The following KDM4C variants were observed in gnomAD, a reference collection of about 807,000 sequenced individuals.
The protein encoded by KDM4C is lysine-specific demethylase 4C.
In KDM4C, 81 loss-of-function variants were observed where a neutral mutation model predicts 129.3. That is an observed-to-expected ratio of 0.63 (90% confidence interval 0.52 to 0.75). The LOEUF is 0.75. Among genes scored for constraint, KDM4C ranks in the 30% least tolerant of loss-of-function variants. KDM4C has a pLI of 0.00. For synonymous variants in KDM4C, 573 were observed against 456.1 expected (o/e 1.26, Z -3.26); for missense variants, 1,457 against 1,304.0 (o/e 1.12, Z -1.81).
chr9:7,070,984 AG>A (rs902463550), intron 17 of KDM4C, among the ~76,000 whole-genome samples: 41 of 152,186 alleles, frequency 2.7e-4, no homozygotes, highest in African/African-American at 9.9e-4. Context: ...TCAAGTTTTC[AG>A]GGGTACAAGG....
At chr9:6,957,400 G>A (rs929657402) in intron 8 of KDM4C, among the ~76,000 whole-genome samples, 15 of 152,070 alleles carry the variant, frequency 9.9e-5, no homozygotes, top group African/African-American at 2.7e-4. Flanking sequence ...TTTGGCATTC[G>A]CTTTCCATTG....
intron 8 of KDM4C, among the ~76,000 whole-genome samples, chr9:6,938,549 G>A (rs1489663835): frequency 6.6e-6 from 1 of 152,166 alleles, no homozygotes. Flanking sequence ...AAGCTCAGCT[G>A]GCTTTTTAGT....
At chr9:7,164,210 T>C (rs1253910379) in intron 19 of KDM4C, among the ~76,000 whole-genome samples, 1 of 152,206 alleles carries the variant, frequency 6.6e-6, no homozygotes, top group Non-Finnish European at 1.5e-5. Flanking sequence ...AAATAAAAAT[T>C]ACCATAGTCA....
chr9:6,805,910 TTC>T (rs769561569), intron 3 of KDM4C, 136 bp downstream of exon 3: 4 of 688,116 alleles, frequency 5.8e-6, no homozygotes, highest in Non-Finnish European at 9.2e-6. Flanking sequence ...ATTGAACTGT[TTC>T]TGTTTTCTGT....
At chr9:6,736,541 T>C (rs1159529405) in intron 1 of KDM4C, among the ~76,000 whole-genome samples, 1 of 151,910 alleles carries the variant, frequency 6.6e-6, no homozygotes, top group Non-Finnish European at 1.5e-5. Context: ...CTTCAGAGGG[T>C]GGAAGCTCTA....
At chr9:7,004,806 T>A (rs1821353415) in intron 12 of KDM4C, among the ~76,000 whole-genome samples, 1 of 152,238 alleles carries the variant, frequency 6.6e-6, no homozygotes, top group African/African-American at 2.4e-5. Context: ...TGTGTTGTCA[T>A]CTTAAACACA....
At chr9:7,017,765 T>TTAC (rs1169176281) in intron 15 of KDM4C, among the ~76,000 whole-genome samples, 1 of 152,150 alleles carries the variant, frequency 6.6e-6, no homozygotes, top group Middle Eastern at 3.2e-3. Context: ...TGACAGAGAA[T>TTAC]TACACTTCCT....
intron 3 of KDM4C, among the ~76,000 whole-genome samples, chr9:6,809,193 AT>A (rs1223862103): frequency 6.6e-6 from 1 of 152,154 alleles, no homozygotes; most frequent in African/African-American, 2.4e-5. Context: ...TTTCTTTTGA[AT>A]TTTTTGGGTT....
intron 15 of KDM4C, among the ~76,000 whole-genome samples, chr9:7,019,767 A>AATATTTTATATATAAAAATATT (rs1824423298): frequency 8.1e-6 from 1 of 122,850 alleles, no homozygotes; most frequent in Admixed American, 7.9e-5. Context: ...ATAAAAATAT[A>AATATTTTATATATAAAAATATT]ATATTTTTAT....
rs1315540020 is a variant in KDM4C at position 6,826,448 on chromosome 9, C to T, written c.435+11703C>T. ...TCCTTCCATTTTTTCTCTATGAATG[C>T]TCCATAATTGCATATAAAAAAAATT... is the stretch of plus-strand genomic sequence containing the variant. On this transcript the variant is annotated intron_variant, in intron 4 of 21. Transcript: ENST00000381309. Among the ~76,000 whole-genome samples, 4 of 152,074 alleles carry T rather than the reference C, an allele frequency of 2.6e-5. No individual in the cohort carries two copies. In the East Asian group the frequency reaches 7.7e-4, roughly 29 times the overall value.
intron 8 of KDM4C, among the ~76,000 whole-genome samples, chr9:6,945,249 A>T (rs372013843): frequency 6.6e-6 from 1 of 152,186 alleles, no homozygotes; most frequent in Non-Finnish European, 1.5e-5. Context: ...TAGGTAAACA[A>T]TAATATAACA....
intron 19 of KDM4C, among the ~76,000 whole-genome samples, chr9:7,150,232 G>C (rs1022135287): frequency 1.3e-5 from 2 of 152,188 alleles, no homozygotes; most frequent in Non-Finnish European, 2.9e-5. Context: ...CTTTCTTTAA[G>C]GCCTGTATTA....
At chr9:7,117,255 G>T (rs892883601) in intron 18 of KDM4C, among the ~76,000 whole-genome samples, 1 of 152,066 alleles carries the variant, frequency 6.6e-6, no homozygotes. Flanking sequence ...CTTCTTGGTG[G>T]TACAGAAAAT....
chr9:6,943,694 G>T (rs1159227811), intron 8 of KDM4C, among the ~76,000 whole-genome samples: 1 of 151,862 alleles, frequency 6.6e-6, no homozygotes, highest in South Asian at 2.1e-4. Flanking sequence ...AAAAAAGGTT[G>T]CACAAATAAT....
intron 5 of KDM4C, among the ~76,000 whole-genome samples, chr9:6,864,402 T>C (rs948007864): frequency 2.0e-5 from 3 of 152,238 alleles, no homozygotes; most frequent in African/African-American, 7.2e-5. Context: ...TATATGTCAT[T>C]GCTTCTTTTC....
intron 15 of KDM4C, among the ~76,000 whole-genome samples, chr9:7,038,970 T>C (rs1444605430): frequency 6.6e-6 from 1 of 152,038 alleles, no homozygotes; most frequent in Non-Finnish European, 1.5e-5. Context: ...ATTTTTGATA[T>C]ATGTATTGGG....
At chr9:6,879,981 CT>C in intron 5 of KDM4C, 30 bp from the exon 6 acceptor site, 1 of 1,333,438 alleles carries the variant, frequency 7.5e-7, no homozygotes, top group Non-Finnish European at 1.0e-6. Flanking sequence ...AATTATAAAC[CT>C]AAAATTTTTA....
chr9:7,105,080 G>A (rs1837527148), intron 18 of KDM4C, among the ~76,000 whole-genome samples: 1 of 152,126 alleles, frequency 6.6e-6, no homozygotes, highest in African/African-American at 2.4e-5. Flanking sequence ...TTGAGTTGAT[G>A]TCCTTTTGCT....
chr9:7,042,544 G>C (rs1828767583), intron 15 of KDM4C, among the ~76,000 whole-genome samples: 1 of 151,990 alleles, frequency 6.6e-6, no homozygotes, highest in Non-Finnish European at 1.5e-5. Context: ...GGGTTCTTTT[G>C]CAGGGATTGT....
Sources: gnomAD v4.1 joint callset for allele counts (sites outside exome capture counted in the v4.1 genomes callset) on GRCh38, gnomAD v4.1.1 for gene constraint, MANE v1.5 for transcripts, NCBI Gene and HGNC (gene_info 2026-07-23, HGNC 2026-07-21) for gene names.